Variants in CXADR observed in about 807,000 individuals in gnomAD.
The protein encoded by CXADR is CXADR cell adhesion molecule.
A neutral mutation model predicts 40.3 loss-of-function variants in CXADR; 20 were observed. The ratio of observed to expected loss-of-function variants is 0.50; its 90% CI spans 0.35 to 0.72. The LOEUF is 0.72. CXADR is among the 30% of genes least tolerant of loss of function. The pLI is 0.01. For synonymous variants in CXADR, 150 were observed against 161.3 expected, an observed-to-expected ratio of 0.93 and a Z score of 0.53; for missense variants, 332 against 449.1, an observed-to-expected ratio of 0.74 and a Z score of 2.36.
At chr21:17,560,441 A>C (rs1044912021) in intron 4 of CXADR, among the ~76,000 whole-genome samples, 1 of 152,204 alleles carries the variant, frequency 6.6e-6, no homozygotes, top group African/African-American at 2.4e-5. Flanking sequence ...CAGCAGGTAC[A>C]CAGTGGACCA....
chr21:17,518,200 T>C (rs1455505886), intron 1 of CXADR, among the ~76,000 whole-genome samples: 4 of 151,950 alleles, frequency 2.6e-5, no homozygotes, highest in Non-Finnish European at 4.4e-5. Flanking sequence ...TCCAATTTGC[T>C]CTCCACTGTA....
intron 1 of CXADR, among the ~76,000 whole-genome samples, chr21:17,540,292 A>G (rs2060811075): frequency 6.6e-6 from 1 of 152,204 alleles, no homozygotes; most frequent in African/African-American, 2.4e-5. Flanking sequence ...TGGGGGGGAC[A>G]TGATTTACTC....
Position 17,569,165 on chromosome 21 carries a change from A to G in CXADR, c.*3473A>G, listed in dbSNP as rs1664860673. 1 of 985,390 alleles carries G rather than the reference A, an allele frequency of 1.0e-6. No individual in the cohort carries two copies. The highest frequency in any genetic ancestry group is 1.2e-6 in the Non-Finnish European group (1 of 829,926). 61.0% of individuals were successfully genotyped at this position (985,390 alleles called of 1,614,324 possible). On this transcript the variant is annotated 3_prime_UTR_variant, in exon 7 of 7. Transcript: ENST00000284878. ...TGTCTTTTGTGTGCGTGCAGCATGT[A>G]CATTTGATGTTATGTGAATGTTGAG... is the stretch of plus-strand genomic sequence containing the variant.
the CXADR span, among the ~76,000 whole-genome samples, chr21:17,608,458 A>G: frequency 6.3e-3 from 967 of 152,300 alleles, 60 homozygotes; most frequent in East Asian, 0.13. Context: ...TCATCTAGAA[A>G]ATAGTTACAC....
At chr21:17,549,774 G>A (rs1400093392) in intron 2 of CXADR, among the ~76,000 whole-genome samples, 1 of 152,176 alleles carries the variant, frequency 6.6e-6, no homozygotes, top group African/African-American at 2.4e-5. Flanking sequence ...AGCATAATGA[G>A]CTATTGGAAG....
intron 1 of CXADR, among the ~76,000 whole-genome samples, chr21:17,530,813 C>CA (rs763703180): frequency 1.3e-5 from 2 of 151,236 alleles, no homozygotes; most frequent in South Asian, 4.2e-4. Context: ...GACTCAGTCT[C>CA]AAAAAAAAGA....
intron 2 of CXADR, among the ~76,000 whole-genome samples, chr21:17,549,012 C>T (rs1329932705): frequency 6.6e-6 from 1 of 152,184 alleles, no homozygotes; most frequent in Non-Finnish European, 1.5e-5. Flanking sequence ...AGCTAGTAGA[C>T]AGAATGGTTA....
chr21:17,593,879 T>A, downstream of CXADR: 1 of 595,858 alleles, frequency 1.7e-6, no homozygotes, highest in Non-Finnish European at 2.7e-6. Context: ...CTTAGGCACT[T>A]GACTAACTTT....
At chr21:17,630,527 CCTGA>C in the CXADR span, among the ~76,000 whole-genome samples, 1 of 151,942 alleles carries the variant, frequency 6.6e-6, no homozygotes, top group East Asian at 1.9e-4. Flanking sequence ...TTAAAATATC[CCTGA>C]CTGTCTAAAA....
chr21:17,562,802 G>A (rs1478788659), intron 6 of CXADR, among the ~76,000 whole-genome samples: 1 of 152,286 alleles, frequency 6.6e-6, no homozygotes, highest in Non-Finnish European at 1.5e-5. Flanking sequence ...TTATGGAAAT[G>A]GCCTTTTTCC....
At chr21:17,604,751 A>G in the CXADR span, 3 of 1,336,626 alleles carry the variant, frequency 2.2e-6, no homozygotes, top group Non-Finnish European at 3.0e-6. Flanking sequence ...AGAGAGTTAA[A>G]CCACCAGCTC....
At chr21:17,535,474 G>A (rs901175796) in intron 1 of CXADR, among the ~76,000 whole-genome samples, 1 of 152,022 alleles carries the variant, frequency 6.6e-6, no homozygotes, top group Non-Finnish European at 1.5e-5. Flanking sequence ...TGCTGGGATG[G>A]TTACAGGGGT....
At chr21:17,529,363 C>T (rs147039052) in intron 1 of CXADR, among the ~76,000 whole-genome samples, 4 of 150,952 alleles carry the variant, frequency 2.6e-5, no homozygotes, top group African/African-American at 9.7e-5. Context: ...TTCTCCCTCC[C>T]AGGCTGCAGT....
At chr21:17,523,894 T>C (rs9980562) in intron 1 of CXADR, among the ~76,000 whole-genome samples, 8,003 of 152,120 alleles carry the variant, frequency 0.053, 360 homozygotes, top group East Asian at 0.11. Flanking sequence ...AGTCTTGCTC[T>C]GTCGCCCAGG....
intron 1 of CXADR, among the ~76,000 whole-genome samples, chr21:17,516,204 G>C (rs2060460366): frequency 6.6e-6 from 1 of 152,152 alleles, no homozygotes; most frequent in South Asian, 2.1e-4. Context: ...TACAAATAGA[G>C]AAACAGAGGC....
intron 7 of CXADR, among the ~76,000 whole-genome samples, chr21:17,581,223 A>G (rs545197293): frequency 1.3e-5 from 2 of 152,324 alleles, no homozygotes; most frequent in East Asian, 3.9e-4. Flanking sequence ...ATTTAAATTA[A>G]TCCCATCCTT....
At chr21:17,584,841 A>T (rs2123389843) in intron 7 of CXADR, among the ~76,000 whole-genome samples, 1 of 152,316 alleles carries the variant, frequency 6.6e-6, no homozygotes, top group Admixed American at 6.5e-5. Flanking sequence ...AAACAAACAA[A>T]CAAAAACTCA....
chr21:17,519,124 TC>T, intron 1 of CXADR: 1 of 713,528 alleles, frequency 1.4e-6, no homozygotes, highest in Non-Finnish European at 2.5e-6. Context: ...GAAAAATGCC[TC>T]CCCTCCAAGG....
chr21:17,607,140 A>G, the CXADR span, among the ~76,000 whole-genome samples: 6 of 152,208 alleles, frequency 3.9e-5, no homozygotes, highest in Non-Finnish European at 8.8e-5. Flanking sequence ...TGACTCAGTA[A>G]TGATACTTCT....
Sources: gnomAD v4.1 joint callset for allele counts (sites outside exome capture counted in the v4.1 genomes callset) on GRCh38, gnomAD v4.1.1 for gene constraint, MANE v1.5 for transcripts, NCBI Gene and HGNC (gene_info 2026-07-23, HGNC 2026-07-21) for gene names.